OSBPL3: variants seen among roughly 807,000 people sequenced by gnomAD.
OSBPL3 encodes oxysterol-binding protein-related protein 3.
OSBPL3 carries 65 observed loss-of-function variants against 120.1 expected under a neutral mutation model. The ratio of observed to expected loss-of-function variants is 0.54; its 90% CI spans 0.44 to 0.67. The LOEUF (loss-of-function observed/expected upper bound fraction) is 0.67. Among genes scored for constraint, OSBPL3 ranks in the 30% least tolerant of loss-of-function variants. The pLI is 0.00. For missense variants in OSBPL3, 1,004 were observed against 1,082.1 expected (o/e 0.93, Z 1.01); for synonymous variants, 416 against 402.6 (o/e 1.03, Z -0.40).
chr7:24,893,124 T>C (rs1033013184), intron 1 of OSBPL3, among the ~76,000 whole-genome samples: 8 of 152,132 alleles, frequency 5.3e-5, no homozygotes, highest in Non-Finnish European at 1.0e-4. Context: ...CAATCCTAGG[T>C]ATAGATCCAA....
chr7:24,854,822 T>C lies in OSBPL3; in HGVS notation c.1028-2188A>G, dbSNP rs1029170342. Among the ~76,000 whole-genome samples, 1 of 152,156 alleles carries C rather than the reference T, an allele frequency of 6.6e-6. No individual in the cohort carries two copies. Among genetic ancestry groups the C allele is most frequent in the African/African-American group, 2.4e-5 (1 of 41,436 alleles). ...AATGGGGATAATAATAACTTTTACTTTAAATGGTTGTCATGAGGATTGAAT... is the reference window on the plus strand; with the variant it reads ...AATGGGGATAATAATAACTTTTACTCTAAATGGTTGTCATGAGGATTGAAT... On this transcript the variant is annotated intron_variant, in intron 10 of 22. Coordinates refer to ENST00000313367, the MANE Select transcript of OSBPL3 (RefSeq NM_015550.4). This position sits in a 1 kb window ranked among gnomAD's most constrained non-coding sequence, Gnocchi z 4.1.
chr7:24,928,412 C>A (rs6953791), intron 1 of OSBPL3, among the ~76,000 whole-genome samples: 4 of 151,920 alleles, frequency 2.6e-5, no homozygotes, highest in Admixed American at 6.5e-5. Flanking sequence ...AGGATGGTCT[C>A]GATCTCCTGA....
chr7:24,865,674 C>T (rs1252643367), intron 6 of OSBPL3, among the ~76,000 whole-genome samples: 1 of 152,126 alleles, frequency 6.6e-6, no homozygotes, highest in Non-Finnish European at 1.5e-5. Flanking sequence ...GAATGGTGGA[C>T]CTAATTTTCT....
chr7:24,866,466 T>C (rs1415668310), intron 5 of OSBPL3, among the ~76,000 whole-genome samples: 1 of 152,046 alleles, frequency 6.6e-6, no homozygotes, highest in African/African-American at 2.4e-5. Flanking sequence ...GGTGAAACCC[T>C]GTCTCTACAA....
intron 7 of OSBPL3, among the ~76,000 whole-genome samples, chr7:24,864,416 T>C (rs757894214): frequency 6.6e-6 from 1 of 152,190 alleles, no homozygotes; most frequent in East Asian, 1.9e-4. Context: ...ACAATGTGCA[T>C]TGCTGATAAG....
In OSBPL3 at chr7:24,940,696, C is replaced by T. The variant is rs990194726; in HGVS notation, c.-150+39190G>A. 3.9e-5 allele frequency among the ~76,000 whole-genome samples: 6 copies of T among 152,080 alleles called. No individual in the cohort carries two copies. Among genetic ancestry groups the T allele is most frequent in the Admixed American group, 2.6e-4 (4 of 15,274 alleles). ...CGGTGAATGAAGATGTCAGGTAAGT[C>T]CTCAATATAAGCACAGCAGAGGATA... On this transcript the variant is annotated intron_variant, in intron 1 of 22. Coordinates refer to ENST00000313367, the MANE Select transcript of OSBPL3 (RefSeq NM_015550.4). The surrounding 1 kb of genome is among the most constrained non-coding windows in gnomAD (Gnocchi z 4.4).
intron 16 of OSBPL3, among the ~76,000 whole-genome samples, chr7:24,826,787 G>C (rs1258999876): frequency 1.3e-5 from 2 of 152,142 alleles, no homozygotes; most frequent in African/African-American, 4.8e-5. Context: ...CTGACCACAT[G>C]AATCATTTTG....
At position 24,886,348 on chromosome 7, in the gene OSBPL3, T is replaced by C. The variant is rs552563558; in HGVS notation, c.96+6029A>G. ...CTTTACTTTTGTTCCAGACGTTCAA[T>C]AGAGTAGTTCCTTCACAGACCACAG... On this transcript the variant is annotated intron_variant, in intron 2 of 22. Coordinates refer to ENST00000313367, the MANE Select transcript of OSBPL3 (RefSeq NM_015550.4). Among the ~76,000 whole-genome samples the C allele has an allele frequency of 5.9e-5, 9 of 152,342 alleles. No homozygotes were observed. The East Asian group carries it at 1.7e-3, about 29-fold the overall frequency.
chr7:24,814,307 T>C (rs1192818670), intron 19 of OSBPL3, among the ~76,000 whole-genome samples: 1 of 152,004 alleles, frequency 6.6e-6, no homozygotes, highest in African/African-American at 2.4e-5. Flanking sequence ...TGGGTGTATC[T>C]GCAAGTGTGC....
Position 24,830,895 on chromosome 7 carries a change from G to A in OSBPL3, c.1757C>T (p.Ala586Val). The A allele has an allele frequency of 6.2e-7, 1 of 1,610,870 alleles. No individual in the cohort carries two copies. Among genetic ancestry groups the A allele is most frequent in the Non-Finnish European group, 8.5e-7 (1 of 1,179,122 alleles). Residue 586 changes from alanine (A) to valine (V), a missense_variant, in exon 16 of 23, where the codon GCA becomes GTA. Coordinates refer to ENST00000313367, the MANE Select transcript of OSBPL3 (RefSeq NM_015550.4). This position sits in a 1 kb window ranked among gnomAD's most constrained non-coding sequence, Gnocchi z 4.4. ...TGCATACGCTGATATGGCAAAGGCT[G>A]CCACATATACCTAAGGACAAGAGAA... ...PSPLERMVYV[A>V]AFAISAYASS...
chr7:24,976,984 G>GT (rs1262370616), intron 1 of OSBPL3, among the ~76,000 whole-genome samples: 3 of 152,172 alleles, frequency 2.0e-5, no homozygotes, highest in African/African-American at 7.2e-5. Context: ...CAGTGTCAGC[G>GT]TAAGAGTAGA....
At chr7:24,887,788 G>A (rs1804747039) in intron 2 of OSBPL3, among the ~76,000 whole-genome samples, 1 of 152,172 alleles carries the variant, frequency 6.6e-6, no homozygotes, top group South Asian at 2.1e-4. Flanking sequence ...TGCAGACTCA[G>A]CTGCAAAGTC....
At chr7:24,840,538 C>T in intron 14 of OSBPL3, 152 bp downstream of exon 14, 1 of 443,788 alleles carries the variant, frequency 2.3e-6, no homozygotes, top group Non-Finnish European at 3.9e-6. Flanking sequence ...TTAGTAGTTA[C>T]ATCTTTGGGG....
intron 1 of OSBPL3, among the ~76,000 whole-genome samples, chr7:24,921,744 G>A (rs927361354): frequency 6.6e-6 from 1 of 152,116 alleles, no homozygotes; most frequent in Non-Finnish European, 1.5e-5. Context: ...GCTGAGAGAA[G>A]GACCTGGCTT....
intron 1 of OSBPL3, among the ~76,000 whole-genome samples, chr7:24,901,082 C>T (rs1415901789): frequency 6.6e-6 from 1 of 151,080 alleles, no homozygotes; most frequent in African/African-American, 2.4e-5. Context: ...ATAATCCCAG[C>T]GCTTTGGGAG....
chr7:24,901,368 A>G (rs1000541018), intron 1 of OSBPL3, among the ~76,000 whole-genome samples: 7 of 151,744 alleles, frequency 4.6e-5, no homozygotes, highest in Admixed American at 2.0e-4. Flanking sequence ...AAAAAAAGAG[A>G]GAGAGAGTTG....
chr7:24,918,038 C>T lies in OSBPL3; in HGVS notation c.-149-25417G>A. ...TCCTATGAGTCCATAAAATGACTAG[C>T]ACTCTTACCTATAAAGGTTGGCTTA... On this transcript the variant is annotated intron_variant, in intron 1 of 22. Transcript: ENST00000313367. The surrounding 1 kb of genome is among the most constrained non-coding windows in gnomAD (Gnocchi z 4.3). The T allele has an allele frequency of 1.0e-6, 1 of 978,096 alleles. No homozygotes were observed. Among genetic ancestry groups the T allele is most frequent in the Non-Finnish European group, 1.2e-6 (1 of 823,258 alleles). The allele number at this position is 978,096 out of a possible 1,614,324, so 60.6% of individuals were successfully genotyped here. A position where few individuals can be genotyped will look rare whatever the true frequency, so the allele number is the denominator to read the frequency against.
Position 24,806,038 on chromosome 7 carries a change from C to A in OSBPL3, c.2444+738G>T, listed in dbSNP as rs1792990050. 6.6e-6 allele frequency among the ~76,000 whole-genome samples: 1 copy of A among 152,160 alleles called. No homozygotes were observed. The highest frequency in any genetic ancestry group is 2.4e-5 in the African/African-American group (1 of 41,440). ...ATGGCGTGGTCTCGGCTCACTGCAACCTCCTCCTCTTGGGTTCAAGCAATT... is the reference window on the plus strand; with the variant it reads ...ATGGCGTGGTCTCGGCTCACTGCAAACTCCTCCTCTTGGGTTCAAGCAATT... On this transcript the variant is annotated intron_variant, in intron 21 of 22. Transcript: ENST00000313367. This position sits in a 1 kb window ranked among gnomAD's most constrained non-coding sequence, Gnocchi z 5.2.
At chr7:24,931,899 G>A (rs575532768) in intron 1 of OSBPL3, among the ~76,000 whole-genome samples, 1 of 152,292 alleles carries the variant, frequency 6.6e-6, no homozygotes, top group South Asian at 2.1e-4. Flanking sequence ...AATATATGGG[G>A]AAGCTGAGGC....
Sources: allele counts gnomAD v4.1 joint callset (sites outside exome capture counted in the v4.1 genomes callset), GRCh38; gene constraint gnomAD v4.1.1; non-coding constraint Gnocchi (gnomAD v3.1); transcripts MANE v1.5; gene names NCBI Gene and HGNC (gene_info 2026-07-23, HGNC 2026-07-21).